The following RNF130 variants were observed in gnomAD, a reference collection of about 807,000 sequenced individuals.
RNF130 encodes E3 ubiquitin-protein ligase RNF130.
A neutral mutation model predicts 44.6 loss-of-function variants in RNF130; 21 were observed. That is an observed-to-expected ratio of 0.47 (90% CI 0.33 to 0.68). The LOEUF (loss-of-function observed/expected upper bound fraction) is 0.68, where lower values mean the gene tolerates loss of function less well. Among genes scored for constraint, RNF130 ranks in the 30% least tolerant of loss-of-function variants. RNF130 has a pLI of 0.02. For missense variants in RNF130, 479 were observed against 560.6 expected (o/e 0.85, Z 1.47); for synonymous variants, 214 against 210.4 (o/e 1.02, Z -0.15).
chr5:179,935,400 A>AAATCTTCT (rs1310701978), intron 7 of RNF130, among the ~76,000 whole-genome samples: 2 of 152,192 alleles, frequency 1.3e-5, no homozygotes, highest in African/African-American at 4.8e-5. Context: ...TGTGACATTC[A>AAATCTTCT]AATCTTCTAG....
intron 5 of RNF130, among the ~76,000 whole-genome samples, chr5:179,971,273 G>A (rs1375469889): frequency 6.6e-6 from 1 of 152,190 alleles, no homozygotes; most frequent in East Asian, 1.9e-4. Context: ...AAGCTCTAGA[G>A]TCCTGGCCAA....
chr5:179,949,482 T>G (rs1762093345), intron 7 of RNF130, among the ~76,000 whole-genome samples: 2 of 151,580 alleles, frequency 1.3e-5, no homozygotes, highest in Non-Finnish European at 2.9e-5. Flanking sequence ...CTGAAAATAC[T>G]CTAGAAAAAT....
intron 7 of RNF130, among the ~76,000 whole-genome samples, chr5:179,925,625 C>A (rs1761697533): frequency 6.6e-6 from 1 of 152,164 alleles, no homozygotes; most frequent in Non-Finnish European, 1.5e-5. Context: ...ACCTCCTGGG[C>A]TCAAGCAATT....
At chr5:179,992,226 C>G (rs1022593551) in intron 3 of RNF130, among the ~76,000 whole-genome samples, 1 of 152,218 alleles carries the variant, frequency 6.6e-6, no homozygotes. Context: ...ACTGTAAACT[C>G]TGCCTCCCGA....
intron 7 of RNF130, among the ~76,000 whole-genome samples, chr5:179,965,443 G>A (rs1184522112): frequency 6.6e-6 from 1 of 152,216 alleles, no homozygotes; most frequent in East Asian, 1.9e-4. Flanking sequence ...GGTATATGAA[G>A]TAACTTTTTT....
intron 7 of RNF130, among the ~76,000 whole-genome samples, chr5:179,948,878 G>A (rs1762084552): frequency 6.6e-6 from 1 of 152,092 alleles, no homozygotes; most frequent in East Asian, 1.9e-4. Context: ...GGTAGAATCA[G>A]GGGCACTTGC....
chr5:180,019,150 T>C (rs1374348103), intron 2 of RNF130, among the ~76,000 whole-genome samples: 3 of 151,470 alleles, frequency 2.0e-5, no homozygotes, highest in Admixed American at 6.6e-5. Flanking sequence ...TTTGGGAGGC[T>C]GAGGCAGGTG....
rs146906113 is a variant in RNF130, at chr5:179,932,815, A to G, written c.1151-12389T>C. ...TGTACCACTGCACTCCAGCCTGGGCAACAGAGTGAGACTTGGTTTCAAAAA... is the reference window on the plus strand; with the variant it reads ...TGTACCACTGCACTCCAGCCTGGGCGACAGAGTGAGACTTGGTTTCAAAAA... On this transcript the variant is annotated intron_variant, in intron 7 of 7. Transcript: ENST00000522208. Among the ~76,000 whole-genome samples the G allele has an allele frequency of 3.2e-3, 491 of 152,194 alleles. 3 individuals carry two copies. Among genetic ancestry groups the G allele is most frequent in the African/African-American group, 0.011 (474 of 41,552 alleles).
At chr5:180,042,183 T>C (rs1764435138) in intron 1 of RNF130, among the ~76,000 whole-genome samples, 1 of 152,214 alleles carries the variant, frequency 6.6e-6, no homozygotes, top group Non-Finnish European at 1.5e-5. Context: ...AATTGTAAAA[T>C]GTAAAGATGC....
chr5:179,955,757 G>T, intron 8 of RNF130, 88 bp from the exon 9 acceptor site: 2 of 1,109,156 alleles, frequency 1.8e-6, no homozygotes, highest in Non-Finnish European at 2.6e-6. Context: ...CTGAAGGGTG[G>T]CCTGGCTGTC....
chr5:179,984,486 C>A lies in RNF130; in HGVS notation c.694-4286G>T, dbSNP rs534005139. ...ATCGATGTTGGACTTCGGCAAATATCTTTTCTCCATCTATTGAGATCATAC... is the reference window on the plus strand; with the variant it reads ...ATCGATGTTGGACTTCGGCAAATATATTTTCTCCATCTATTGAGATCATAC... On this transcript the variant is annotated intron_variant, in intron 3 of 8. Transcript: ENST00000521389. Among the ~76,000 whole-genome samples the A allele has an allele frequency of 1.1e-4, 17 of 152,234 alleles. No individual in the cohort carries two copies. The East Asian group carries it at 3.1e-3, about 28-fold the overall frequency.
At chr5:179,962,844 C>T (rs1762365736) in intron 8 of RNF130, among the ~76,000 whole-genome samples, 1 of 152,214 alleles carries the variant, frequency 6.6e-6, no homozygotes, top group South Asian at 2.1e-4. Flanking sequence ...CCGCCACTAA[C>T]CAACCCCACC....
At chr5:179,974,706 T>C (rs562113380) in intron 5 of RNF130, among the ~76,000 whole-genome samples, 1 of 152,186 alleles carries the variant, frequency 6.6e-6, no homozygotes, top group South Asian at 2.1e-4. Flanking sequence ...GGCGATGGCT[T>C]TGAAAGAGAG....
intron 8 of RNF130, among the ~76,000 whole-genome samples, chr5:179,962,992 G>T (rs556580574): frequency 6.6e-6 from 1 of 152,198 alleles, no homozygotes. Context: ...TGGAAACAGC[G>T]GGTCTTTCAA....
In RNF130 at chr5:179,966,999, T is replaced by C. The variant is rs1762467032; in HGVS notation, c.957A>G (p.Pro319=). ...TATCGAATGCTACGTTATCAGTACA[T>C]GGCAAATTCGGCTGCAAAATATTTC... is the stretch of plus-strand genomic sequence containing the variant. The part of the protein sequence containing the change: ...LKALGIVPNL[P]CTDNVAFDME... The change falls in exon 7 of 9, where the codon CCA becomes CCG. Residue 319 remains proline (P), a synonymous_variant. Transcript: ENST00000521389. 5.0e-6 allele frequency: 8 copies of C among 1,612,320 alleles called. No individual in the cohort carries two copies. Among genetic ancestry groups the C allele is most frequent in the Non-Finnish European group, 6.8e-6 (8 of 1,179,254 alleles).
At chr5:180,013,003 A>G in intron 3 of RNF130, 58 bp downstream of exon 3, 1 of 1,557,246 alleles carries the variant, frequency 6.4e-7, no homozygotes, top group Non-Finnish European at 8.7e-7. Flanking sequence ...CATGGTCACG[A>G]CAGATGACTG....
intron 4 of RNF130, among the ~76,000 whole-genome samples, chr5:179,979,651 C>T (rs535321987): frequency 1.3e-5 from 2 of 152,278 alleles, no homozygotes; most frequent in East Asian, 3.9e-4. Context: ...TCCGCCACAG[C>T]ATCCTGACAC....
chr5:179,995,105 GGCAAAGATGAGA>G (rs1423320625), intron 3 of RNF130, among the ~76,000 whole-genome samples: 2 of 152,130 alleles, frequency 1.3e-5, no homozygotes, highest in Non-Finnish European at 2.9e-5. Flanking sequence ...GAAATGCCTA[GGCAAAGATGAGA>G]GCAACTGACA....
rs1340911408 is a variant in RNF130 at position 180,065,390 on chromosome 5, C to T, written c.247+6066G>A. On this transcript the variant is annotated intron_variant, in intron 1 of 8. Coordinates refer to ENST00000521389, the MANE Select transcript of RNF130 (RefSeq NM_018434.6). ...AGTTCACAATGTTCCCGTTTTATGG[C>T]TGTGTAACACTCCACTGAGTGGATA... Among the ~76,000 whole-genome samples, 3 of 152,146 alleles carry T rather than the reference C, an allele frequency of 2.0e-5. No homozygotes were observed. The East Asian group carries it at 5.8e-4, about 29-fold the overall frequency.
Sources: gnomAD v4.1 joint callset for allele counts (sites outside exome capture counted in the v4.1 genomes callset) on GRCh38, gnomAD v4.1.1 for gene constraint, MANE v1.5 for transcripts, NCBI Gene and HGNC (gene_info 2026-07-23, HGNC 2026-07-21) for gene names.